Variants in MCC observed in about 807,000 individuals in gnomAD.
The protein encoded by MCC is colorectal mutant cancer protein.
A neutral mutation model predicts 116.2 loss-of-function variants in MCC; 90 were observed. The observed-to-expected ratio is 0.77, with a 90% CI of 0.65 to 0.92. MCC has a LOEUF of 0.92. Among genes scored for constraint, MCC ranks in the 40% least tolerant of loss-of-function variants. The pLI is 0.00. For missense variants in MCC, 1,516 were observed against 1,312.2 expected (o/e 1.16, Z -2.40); for synonymous variants, 578 against 510.5 (o/e 1.13, Z -1.78).
chr5:113,273,216 AAATT>A (rs1765681102), intron 3 of MCC, among the ~76,000 whole-genome samples: 1 of 152,238 alleles, frequency 6.6e-6, no homozygotes, highest in African/African-American at 2.4e-5. Flanking sequence ...CCAAAGCAGA[AAATT>A]CATTCATTAC....
intron 3 of MCC, among the ~76,000 whole-genome samples, chr5:113,331,131 C>T (rs1404118983): frequency 6.6e-6 from 1 of 152,190 alleles, no homozygotes; most frequent in Non-Finnish European, 1.5e-5. Flanking sequence ...AGATGCTGAA[C>T]TGTGGAGAGG....
At chr5:113,108,939 T>C (rs1299910234) in intron 6 of MCC, among the ~76,000 whole-genome samples, 2 of 152,220 alleles carry the variant, frequency 1.3e-5, no homozygotes, top group Admixed American at 1.3e-4. Flanking sequence ...TGTCCATTGC[T>C]ATTTTTCCCT....
intron 3 of MCC, among the ~76,000 whole-genome samples, chr5:113,329,056 T>A (rs919938236): frequency 6.6e-6 from 1 of 152,204 alleles, no homozygotes; most frequent in Non-Finnish European, 1.5e-5. Context: ...CACTTTTTCA[T>A]GCCAGGCAAC....
chr5:113,158,173 T>G (rs985395540), intron 3 of MCC, among the ~76,000 whole-genome samples: 10 of 152,268 alleles, frequency 6.6e-5, no homozygotes, highest in African/African-American at 2.4e-4. Flanking sequence ...CAGACTGCAG[T>G]TGACTGCAAG....
chr5:113,100,703 C>T (rs565785662), intron 8 of MCC, among the ~76,000 whole-genome samples: 2 of 152,214 alleles, frequency 1.3e-5, no homozygotes, highest in African/African-American at 2.4e-5. Flanking sequence ...GAACTCCTGA[C>T]CTTGTGATCT....
chr5:113,210,375 G>C (rs73244750), intron 3 of MCC, among the ~76,000 whole-genome samples: 3,123 of 151,272 alleles, frequency 0.021, 103 homozygotes, highest in African/African-American at 0.072. Flanking sequence ...AAATGCATAT[G>C]AAGCCCATAT....
chr5:113,374,989 C>G (rs753361230), intron 2 of MCC, among the ~76,000 whole-genome samples: 2 of 87,210 alleles, frequency 2.3e-5, no homozygotes, highest in Non-Finnish European at 4.4e-5. Flanking sequence ...GAGACCCTGT[C>G]TCAAAAAAAA....
chr5:113,394,240 G>A (rs1022882560), intron 1 of MCC, among the ~76,000 whole-genome samples: 7 of 152,134 alleles, frequency 4.6e-5, no homozygotes, highest in African/African-American at 1.7e-4. Flanking sequence ...CCAAGGACTG[G>A]AGCTTTTATT....
intron 6 of MCC, among the ~76,000 whole-genome samples, chr5:113,117,710 A>C (rs1757474614): frequency 6.6e-6 from 1 of 152,260 alleles, no homozygotes; most frequent in Non-Finnish European, 1.5e-5. Flanking sequence ...AAAATGGTCC[A>C]CAGGAAAGGA....
chr5:113,025,728 T>TA lies in MCC; in HGVS notation c.*1573_*1574insT. The TA allele has an allele frequency of 6.6e-6, 1 of 152,344 alleles. No homozygotes were observed. The highest frequency in any genetic ancestry group is 2.1e-4 in the South Asian group (1 of 4,814). 9.4% of individuals were successfully genotyped at this position (152,344 alleles called of 1,614,324 possible). A position where few individuals can be genotyped will look rare whatever the true frequency, so the allele number is the denominator to read the frequency against. On this transcript the variant is annotated 3_prime_UTR_variant, in exon 19 of 19. Transcript: ENST00000408903. ...ATACCAGTTGATCTGTTGTTTCGTT[T>TA]TGGAGATGGGCAGCCTCACTGCTGG...
At chr5:113,227,974 C>T (rs963327737) in intron 3 of MCC, among the ~76,000 whole-genome samples, 1 of 152,188 alleles carries the variant, frequency 6.6e-6, no homozygotes, top group Non-Finnish European at 1.5e-5. Context: ...TTTAGTCAAA[C>T]CCAGGTATTA....
rs566172790 is a variant in MCC at position 113,401,608 on chromosome 5, G to T, written c.171-16396C>A. On this transcript the variant is annotated intron_variant, in intron 1 of 18. Transcript: ENST00000408903. ...TGTATGTCTGACCTCCGAACCTCCA[G>T]ACTCTGCTCACACAGTTAGGGACTG... Among the ~76,000 whole-genome samples the T allele has an allele frequency of 2.0e-5, 3 of 152,152 alleles. No individual in the cohort carries two copies. The East Asian group carries it at 5.8e-4, about 29-fold the overall frequency.
In MCC at chr5:113,327,545, C is replaced by CAAAAAA. The variant is rs1189402090; in HGVS notation, c.627+12968_627+12973dup. Among the ~76,000 whole-genome samples the CAAAAAA allele has an allele frequency of 1.9e-3, 108 of 57,166 alleles. 2 individuals are homozygous for CAAAAAA. Among genetic ancestry groups the CAAAAAA allele is most frequent in the Non-Finnish European group, 2.3e-3 (76 of 33,684 alleles). 37.5% of individuals were successfully genotyped at this position (57,166 alleles called of 152,430 possible). ...TGGGTGACAGAGTAAGACTCAGTCT[C>CAAAAAA]AAAAAAAAAAAAAAAAATATATATA... On this transcript the variant is annotated intron_variant, in intron 3 of 18. Coordinates refer to ENST00000408903, the MANE Select transcript of MCC (RefSeq NM_001085377.2).
At chr5:113,289,385 C>T (rs1388413038) in intron 3 of MCC, among the ~76,000 whole-genome samples, 1 of 151,406 alleles carries the variant, frequency 6.6e-6, no homozygotes, top group Non-Finnish European at 1.5e-5. Context: ...TTGGACAAGG[C>T]TCTGTCATTT....
chr5:113,056,692 A>C (rs1055411794), intron 14 of MCC, among the ~76,000 whole-genome samples: 1 of 152,246 alleles, frequency 6.6e-6, no homozygotes, highest in Non-Finnish European at 1.5e-5. Flanking sequence ...TTACCTATGT[A>C]ACAACCGTCC....
intron 11 of MCC, among the ~76,000 whole-genome samples, chr5:113,075,136 G>A (rs893841706): frequency 3.9e-5 from 6 of 152,344 alleles, no homozygotes; most frequent in East Asian, 1.9e-4. Context: ...TGGAGCAGCC[G>A]GCTGGTGCCA....
intron 11 of MCC, among the ~76,000 whole-genome samples, chr5:113,080,642 G>A (rs553510422): frequency 1.1e-4 from 16 of 152,130 alleles, no homozygotes; most frequent in East Asian, 3.9e-4. Context: ...ATCACACACC[G>A]GGGCCTGTCG....
chr5:113,478,282 T>C (rs7719254), intron 1 of MCC, among the ~76,000 whole-genome samples: 10,562 of 152,234 alleles, frequency 0.069, 697 homozygotes, highest in African/African-American at 0.16. Context: ...AGGTGGAATG[T>C]AGAGGCAGCA....
chr5:113,094,061 G>T (rs1455462754), intron 8 of MCC, among the ~76,000 whole-genome samples: 3 of 152,066 alleles, frequency 2.0e-5, no homozygotes, highest in Non-Finnish European at 4.4e-5. Flanking sequence ...CTGCTATCTC[G>T]AAGTCCAGGG....
Sources: allele counts gnomAD v4.1 joint callset (sites outside exome capture counted in the v4.1 genomes callset), GRCh38; gene constraint gnomAD v4.1.1; transcripts MANE v1.5; gene names NCBI Gene and HGNC (gene_info 2026-07-23, HGNC 2026-07-21).